The following ALDH5A1 variants were observed in gnomAD, a reference collection of about 807,000 sequenced individuals.
The protein encoded by ALDH5A1 is aldehyde dehydrogenase 5 family member A1.
ALDH5A1 carries 33 observed loss-of-function variants against 54.7 expected under a neutral mutation model. That is an observed-to-expected ratio of 0.60 (90% CI 0.46 to 0.81). ALDH5A1 has a LOEUF of 0.81. Ranked by LOEUF, ALDH5A1 falls within the 30% of genes least tolerant of loss-of-function variation. The pLI is 0.00. For synonymous variants in ALDH5A1, 294 were observed against 292.7 expected (o/e 1.00, Z -0.05); for missense variants, 657 against 711.0 (o/e 0.92, Z 0.86).
Position 24,522,778 on chromosome 6 carries a change from C to A in ALDH5A1, c.1026C>A (p.Cys342Ter), listed in dbSNP as rs1759720671. Reference protein sequence around the residue: ...KFRNTGQTCVCSNQFLVQRGI... With the variant: ...KFRNTGQTCV ...TGTCTCCTGTCCAGACTTGTGTTTG[C>A]TCAAACCAATTCTTGGTGCAAAGGG... The change falls in exon 7 of 10, where the codon TGC (cysteine) becomes TGA (stop). Residue 342 changes from cysteine to a stop codon, truncating the protein, a stop_gained. Transcript: ENST00000357578. LOFTEE classifies it high-confidence loss of function. 1 of 1,613,782 alleles carries A rather than the reference C, an allele frequency of 6.2e-7. No individual in the cohort carries two copies. The highest frequency in any genetic ancestry group is 1.1e-5 in the South Asian group (1 of 91,076).
rs1581826727 is a variant in ALDH5A1, at chr6:24,531,958, C to T, written c.1344-161C>T. On this transcript the variant is annotated intron_variant, in intron 8 of 9. Transcript: ENST00000357578. ...GCTAGCCTTAATCGCTGAGTTATATCGGGGAATGGTGCTGCTTTCTTCTGC... is the reference window on the plus strand; with the variant it reads ...GCTAGCCTTAATCGCTGAGTTATATTGGGGAATGGTGCTGCTTTCTTCTGC... The T allele has an allele frequency of 1.3e-5, 9 of 705,036 alleles. 1 individual carries two copies. Among genetic ancestry groups the T allele is most frequent in the Middle Eastern group, 3.7e-4 (1 of 2,704 alleles). 43.7% of individuals were successfully genotyped at this position (705,036 alleles called of 1,614,324 possible). A position where few individuals can be genotyped will look rare whatever the true frequency, so the allele number is the denominator to read the frequency against.
At chr6:24,533,043 G>A (rs1367447168) in intron 9 of ALDH5A1, among the ~76,000 whole-genome samples, 1 of 152,168 alleles carries the variant, frequency 6.6e-6, no homozygotes, top group Non-Finnish European at 1.5e-5. Flanking sequence ...GAGAAGCAAA[G>A]TAAGAAAGGG....
intron 7 of ALDH5A1, 80 bp downstream of exon 7, chr6:24,523,005 TGGAGGGGTGGGGATAG>T: frequency 1.4e-6 from 1 of 720,046 alleles, no homozygotes; most frequent in Non-Finnish European, 2.0e-6. Flanking sequence ...ACACTTTGGC[TGGAGGGGTGGGGATAG>T]AGAGGGGTGG....
chr6:24,506,214 T>C (rs1203580771), intron 4 of ALDH5A1, among the ~76,000 whole-genome samples: 1 of 149,458 alleles, frequency 6.7e-6, no homozygotes, highest in Non-Finnish European at 1.5e-5. Context: ...TATTTTATAT[T>C]ATATCTGCAC....
At chr6:24,508,862 G>A (rs569670109) in intron 4 of ALDH5A1, among the ~76,000 whole-genome samples, 2 of 152,250 alleles carry the variant, frequency 1.3e-5, no homozygotes, top group African/African-American at 4.8e-5. Context: ...GCATTTCCTT[G>A]ATCATTAGTG....
rs4646842 is a variant in ALDH5A1 at position 24,515,102 on chromosome 6, C to CTTTTTTTTT, written c.727-54_727-46dup. The CTTTTTTTTT allele has an allele frequency of 7.2e-4, 669 of 931,756 alleles. 1 individual carries two copies. Among genetic ancestry groups the CTTTTTTTTT allele is most frequent in the South Asian group, 2.4e-3 (141 of 58,458 alleles). The allele number at this position is 931,756 out of a possible 1,614,324, so 57.7% of individuals were successfully genotyped here. ...TTAAGTATCTATTTATTTCTCTTTT[C>CTTTTTTTTT]TTTTTTTTTTTTTTTTTTTCAGTTT... On this transcript the variant is annotated intron_variant, in intron 4 of 9. Transcript: ENST00000357578.
intron 7 of ALDH5A1, among the ~76,000 whole-genome samples, chr6:24,526,667 C>T (rs1446847707): frequency 2.7e-5 from 4 of 150,762 alleles, no homozygotes; most frequent in Non-Finnish European, 4.4e-5. Flanking sequence ...TGTTAATACC[C>T]GTCCAGTAGT....
At chr6:24,498,691 C>T (rs1454577229) in intron 1 of ALDH5A1, among the ~76,000 whole-genome samples, 3 of 151,000 alleles carry the variant, frequency 2.0e-5, no homozygotes, top group South Asian at 2.1e-4. Flanking sequence ...AGGCTGGGCA[C>T]GGTGGCTAAC....
chr6:24,508,135 C>T (rs1485102722), intron 4 of ALDH5A1, among the ~76,000 whole-genome samples: 7 of 151,920 alleles, frequency 4.6e-5, no homozygotes, highest in Admixed American at 3.3e-4. Context: ...GAGGCTGAGG[C>T]GGGCAGATCA....
chr6:24,499,532 C>T (rs1407237867), intron 1 of ALDH5A1, among the ~76,000 whole-genome samples: 1 of 147,246 alleles, frequency 6.8e-6, no homozygotes, highest in African/African-American at 2.5e-5. Context: ...TGCTCCATTG[C>T]CTAGGCTGGA....
At chr6:24,515,537 C>T (rs1173955438) in intron 5 of ALDH5A1, among the ~76,000 whole-genome samples, 1 of 151,994 alleles carries the variant, frequency 6.6e-6, no homozygotes, top group Non-Finnish European at 1.5e-5. Flanking sequence ...CCAGCCTGGC[C>T]AACATGATGA....
Position 24,502,580 on chromosome 6 carries a change from C to G in ALDH5A1, c.412C>G (p.Leu138Val). The change falls in exon 2 of 10, where the codon CTT becomes GTT. Residue 138 changes from leucine to valine, a missense_variant. Physicochemically the swap from Leu to Val is conservative, Grantham distance 32. Transcript: ENST00000357578. ...YNLMIQNKDD[L>V]ARIITAESGK... ...TTTAATGATACAAAATAAGGATGACCTTGCCAGAATAATCACAGCTGAAAG... is the reference window on the plus strand; with the variant it reads ...TTTAATGATACAAAATAAGGATGACGTTGCCAGAATAATCACAGCTGAAAG... 6.2e-7 allele frequency: 1 copy of G among 1,613,500 alleles called. No individual in the cohort carries two copies. The highest frequency in any genetic ancestry group is 1.3e-5 in the African/African-American group (1 of 75,028).
chr6:24,528,311 T>C (rs1759861549), intron 8 of ALDH5A1, 145 bp downstream of exon 8: 1 of 861,968 alleles, frequency 1.2e-6, no homozygotes, highest in African/African-American at 1.7e-5. Flanking sequence ...GTGCAATTTA[T>C]GGGTTTTTAA....
intron 7 of ALDH5A1, 140 bp downstream of exon 7, chr6:24,523,065 A>G: frequency 1.3e-6 from 1 of 794,712 alleles, no homozygotes. Flanking sequence ...CAGAAGGAAT[A>G]AGCTCTGGTG....
intron 5 of ALDH5A1, 36 bp downstream of exon 5, chr6:24,515,346 T>G (rs750170290): frequency 1.2e-6 from 2 of 1,606,018 alleles, no homozygotes; most frequent in Non-Finnish European, 8.5e-7. Flanking sequence ...ACAAATGTCT[T>G]TCTAATATTT....
chr6:24,511,025 G>A (rs886989635), intron 4 of ALDH5A1, among the ~76,000 whole-genome samples: 3 of 152,092 alleles, frequency 2.0e-5, no homozygotes, highest in Non-Finnish European at 4.4e-5. Flanking sequence ...TGGTAGTGGC[G>A]AATTCTCTCA....
intron 7 of ALDH5A1, among the ~76,000 whole-genome samples, chr6:24,526,584 G>A (rs952376898): frequency 2.0e-5 from 3 of 151,578 alleles, no homozygotes; most frequent in African/African-American, 7.3e-5. Context: ...ATCTTATGGA[G>A]TTTAAAGCAA....
intron 5 of ALDH5A1, among the ~76,000 whole-genome samples, 199 bp downstream of exon 5, chr6:24,515,509 G>A (rs2127385948): frequency 6.6e-6 from 1 of 152,266 alleles, no homozygotes; most frequent in African/African-American, 2.4e-5. Flanking sequence ...CAGATCACTT[G>A]AGGCCAGGAG....
At chr6:24,496,113 GAATGCATCC>G (rs1053248364) in intron 1 of ALDH5A1, among the ~76,000 whole-genome samples, 40 of 152,308 alleles carry the variant, frequency 2.6e-4, no homozygotes, top group African/African-American at 8.4e-4. Flanking sequence ...CCCTCTGAAG[GAATGCATCC>G]AGCGATCCCT....
Sources: gnomAD v4.1 joint callset for allele counts (sites outside exome capture counted in the v4.1 genomes callset) on GRCh38, gnomAD v4.1.1 for gene constraint, MANE v1.5 for transcripts, NCBI Gene and HGNC (gene_info 2026-07-23, HGNC 2026-07-21) for gene names.